INPP4A: variants seen among roughly 807,000 people sequenced by gnomAD.
INPP4A encodes the protein inositol polyphosphate-4-phosphatase type I A, also known as inositol polyphosphate-4-phosphatase, type I, 107kD.
INPP4A carries 33 observed loss-of-function variants against 119.8 expected under a neutral mutation model. The ratio of observed to expected loss-of-function variants is 0.28; its 90% confidence interval spans 0.21 to 0.37. INPP4A has a LOEUF of 0.37. Ranked by LOEUF, INPP4A falls within the 10% of genes least tolerant of loss-of-function variation. INPP4A has a pLI of 1.00. For missense variants in INPP4A, 956 were observed against 1,289.9 expected (o/e 0.74, Z 3.97); for synonymous variants, 496 against 500.7 (o/e 0.99, Z 0.12).
chr2:98,479,285 G>T (rs1677916773), intron 1 of INPP4A, among the ~76,000 whole-genome samples: 1 of 152,194 alleles, frequency 6.6e-6, no homozygotes, highest in African/African-American at 2.4e-5. Flanking sequence ...CTGATGGGGG[G>T]TATCTGCTGT....
intron 4 of INPP4A, among the ~76,000 whole-genome samples, chr2:98,528,951 G>A (rs756619947): frequency 2.6e-5 from 4 of 151,924 alleles, no homozygotes; most frequent in Non-Finnish European, 5.9e-5. Context: ...GGTGGCAGGC[G>A]CCTGTAGTCC....
chr2:98,583,336 A>T (rs1699599513), intron 24 of INPP4A, among the ~76,000 whole-genome samples: 1 of 150,552 alleles, frequency 6.6e-6, no homozygotes, highest in Non-Finnish European at 1.5e-5. Flanking sequence ...CAAAAAAAAA[A>T]GTGATCCCTG....
intron 1 of INPP4A, among the ~76,000 whole-genome samples, chr2:98,472,134 C>T (rs927297734): frequency 5.3e-5 from 8 of 152,212 alleles, no homozygotes; most frequent in African/African-American, 1.9e-4. Flanking sequence ...GGGCCTGTTT[C>T]TGCCTGCCGT....
intron 21 of INPP4A, among the ~76,000 whole-genome samples, chr2:98,568,054 C>A (rs1696790526): frequency 6.6e-6 from 1 of 152,198 alleles, no homozygotes; most frequent in Non-Finnish European, 1.5e-5. Flanking sequence ...GCACATGCTC[C>A]TTGTAGCACA....
rs1203018612 is a variant in INPP4A, at chr2:98,539,941, C to CT, written c.818+275dup. On this transcript the variant is annotated intron_variant, in intron 10 of 24. Transcript: ENST00000409851. The stretch of plus-strand genomic sequence containing the variant: ...AACCTCCTCTTTTCTCTTCTTTACT[C>CT]TTTTTTTTTGAGACAGAGTCTTGCT... 4.0e-3 allele frequency among the ~76,000 whole-genome samples: 608 copies of CT among 151,476 alleles called. 7 individuals are homozygous for CT. The highest frequency in any genetic ancestry group is 0.013 in the African/African-American group (557 of 41,324).
At chr2:98,486,621 G>C (rs544723218) in intron 1 of INPP4A, among the ~76,000 whole-genome samples, 1 of 152,066 alleles carries the variant, frequency 6.6e-6, no homozygotes, top group African/African-American at 2.4e-5. Flanking sequence ...AGCTTTTAGG[G>C]TGTGGGGCTG....
intron 1 of INPP4A, among the ~76,000 whole-genome samples, chr2:98,463,681 G>A (rs960906664): frequency 6.6e-6 from 1 of 152,242 alleles, no homozygotes; most frequent in African/African-American, 2.4e-5. Flanking sequence ...TAGGAGAGCA[G>A]GAAGTAGTAG....
intron 1 of INPP4A, among the ~76,000 whole-genome samples, chr2:98,486,781 A>G (rs1489234029): frequency 6.6e-6 from 1 of 152,226 alleles, no homozygotes; most frequent in African/African-American, 2.4e-5. Flanking sequence ...CTCAGCCTGG[A>G]GGGAGCTGAT....
At chr2:98,451,553 G>A (rs1480616896) in intron 1 of INPP4A, among the ~76,000 whole-genome samples, 1 of 151,988 alleles carries the variant, frequency 6.6e-6, no homozygotes, top group African/African-American at 2.4e-5. Flanking sequence ...TTGCTGCAGC[G>A]CCCCTCTTTT....
At chr2:98,531,614 C>T (rs868361825) in intron 4 of INPP4A, among the ~76,000 whole-genome samples, 1 of 152,086 alleles carries the variant, frequency 6.6e-6, no homozygotes, top group East Asian at 1.9e-4. Context: ...TACCAGAAAA[C>T]ACAACACTTA....
At chr2:98,565,979 C>T (rs763594701) in intron 20 of INPP4A, 50 bp from the exon 21 acceptor site, 24 of 1,571,476 alleles carry the variant, frequency 1.5e-5, no homozygotes, top group South Asian at 4.6e-5. Flanking sequence ...GCAGCCTGCT[C>T]GGTGGCCCTC....
intron 17 of INPP4A, among the ~76,000 whole-genome samples, chr2:98,560,566 G>T (rs761483468): frequency 6.6e-6 from 1 of 152,184 alleles, no homozygotes. Context: ...AGTCAGTGTC[G>T]CTTTGAGCAG....
rs1263303719 is a variant in INPP4A, at chr2:98,552,979, G to A, written c.1347+10G>A. On this transcript the variant is annotated intron_variant, in intron 14 of 24. Coordinates refer to ENST00000409851, the MANE Select transcript of INPP4A (RefSeq NM_001134225.2). The stretch of plus-strand genomic sequence containing the variant: ...CATCTTGGCAGACAAGGTAGGAGGG[G>A]TGCCCTGCTACATATGGGCTGGGGA... 3 of 1,599,670 alleles carry A rather than the reference G, an allele frequency of 1.9e-6. No individual in the cohort carries two copies. The highest frequency in any genetic ancestry group is 2.6e-6 in the Non-Finnish European group (3 of 1,171,308).
At chr2:98,471,461 T>G (rs971801398) in intron 1 of INPP4A, among the ~76,000 whole-genome samples, 1 of 152,228 alleles carries the variant, frequency 6.6e-6, no homozygotes, top group African/African-American at 2.4e-5. Context: ...CTGTGGTATC[T>G]CATCATATGT....
At chr2:98,498,949 C>T (rs2105349459) in intron 1 of INPP4A, among the ~76,000 whole-genome samples, 1 of 152,270 alleles carries the variant, frequency 6.6e-6, no homozygotes, top group East Asian at 1.9e-4. Flanking sequence ...AAATAAATAT[C>T]TATTGTTTAA....
At chr2:98,511,605 A>G (rs1410937919) in intron 1 of INPP4A, among the ~76,000 whole-genome samples, 1 of 152,128 alleles carries the variant, frequency 6.6e-6, no homozygotes, top group Admixed American at 6.5e-5. Context: ...ATGGATGTCT[A>G]TCCTGGAGGG....
rs1700121616 is a variant in INPP4A at position 98,588,148 on chromosome 2, A to G, written c.*540A>G. ...ATAACGGGTTCTAGTGAATTATCCT[A>G]TCTACACTACCACCTGAAGAAGTTG... On this transcript the variant is annotated 3_prime_UTR_variant, in exon 25 of 25. Transcript: ENST00000409851. 2 of 211,740 alleles carry G rather than the reference A, an allele frequency of 9.4e-6. No homozygotes were observed. The highest frequency in any genetic ancestry group is 1.9e-5 in the Non-Finnish European group (2 of 104,536). 13.1% of individuals were successfully genotyped at this position (211,740 alleles called of 1,614,324 possible).
rs1323415521 is a variant in INPP4A at position 98,538,877 on chromosome 2, T to G, written c.580-14T>G. On this transcript the variant is annotated splice_polypyrimidine_tract_variant and intron_variant, in intron 8 of 24. Transcript: ENST00000409851. The stretch of plus-strand genomic sequence containing the variant: ...TCTCACAGTTTTCTTGTGCATTTCC[T>G]TATACATTATCAGATGGTTCTTCCT... 1.3e-6 allele frequency: 2 copies of G among 1,536,808 alleles called. No individual in the cohort carries two copies. Among genetic ancestry groups the G allele is most frequent in the African/African-American group, 1.4e-5 (1 of 73,460 alleles).
intron 1 of INPP4A, among the ~76,000 whole-genome samples, chr2:98,503,697 G>A (rs1243604802): frequency 1.3e-5 from 2 of 152,248 alleles, no homozygotes; most frequent in Non-Finnish European, 2.9e-5. Context: ...TGAATGGACA[G>A]TTCCAGATTA....
Sources: allele counts gnomAD v4.1 joint callset (sites outside exome capture counted in the v4.1 genomes callset), GRCh38; gene constraint gnomAD v4.1.1; transcripts MANE v1.5; gene names NCBI Gene and HGNC (gene_info 2026-07-23, HGNC 2026-07-21).